SPON1: variants seen among roughly 807,000 people sequenced by gnomAD.
SPON1 encodes spondin-1.
SPON1 carries 52 observed loss-of-function variants against 111.7 expected under a neutral mutation model. The ratio of observed to expected loss-of-function variants is 0.47; its 90% CI spans 0.37 to 0.59. The LOEUF is 0.59. Ranked by LOEUF, SPON1 falls within the 20% of genes least tolerant of loss-of-function variation. The probability of loss-of-function intolerance (pLI) is 0.00; values close to 1 mark genes in which losing one functional copy is unlikely to be tolerated. For synonymous variants in SPON1, 410 were observed against 395.8 expected, an observed-to-expected ratio of 1.04 and a Z score of -0.43; for missense variants, 957 against 1,068.5, an observed-to-expected ratio of 0.90 and a Z score of 1.46.
intron 5 of SPON1, among the ~76,000 whole-genome samples, chr11:14,130,864 C>A (rs943433183): frequency 4.6e-5 from 7 of 151,558 alleles, no homozygotes; most frequent in Admixed American, 3.9e-4. Context: ...CCTTTCAGAG[C>A]AGTCATAAAA....
chr11:13,965,813 C>A (rs1479415338), intron 1 of SPON1, among the ~76,000 whole-genome samples: 10 of 152,174 alleles, frequency 6.6e-5, no homozygotes, highest in African/African-American at 2.2e-4. Context: ...AAAAGTAACT[C>A]AAACACATTC....
At chr11:14,000,973 A>T (rs1049065217) in intron 2 of SPON1, among the ~76,000 whole-genome samples, 1 of 152,184 alleles carries the variant, frequency 6.6e-6, no homozygotes, top group Non-Finnish European at 1.5e-5. Flanking sequence ...TCTAATGTCT[A>T]CTGTGACATG....
intron 6 of SPON1, among the ~76,000 whole-genome samples, chr11:14,177,854 G>A (rs543474975): frequency 6.6e-6 from 1 of 152,308 alleles, no homozygotes; most frequent in South Asian, 2.1e-4. Flanking sequence ...GATGGAGTCA[G>A]TTAAGTTAGA....
Position 14,256,683 on chromosome 11 carries a change from A to AGC in SPON1, c.1300_1301insGC (p.Lys434SerfsTer38). ...TGTAGCTGACCTGGCTCCAGAAGAG[A>AGC]AAGATGAAGGTACGTTGTTTTCTTT... On this transcript the variant is annotated frameshift_variant, in exon 10 of 16. Transcript: ENST00000576479. LOFTEE classifies it high-confidence loss of function. 6.2e-7 allele frequency: 1 copy of AGC among 1,613,438 alleles called. No individual in the cohort carries two copies. Among genetic ancestry groups the AGC allele is most frequent in the Non-Finnish European group, 8.5e-7 (1 of 1,179,540 alleles).
At chr11:14,178,447 A>G (rs1848204042) in intron 6 of SPON1, among the ~76,000 whole-genome samples, 1 of 151,966 alleles carries the variant, frequency 6.6e-6, no homozygotes, top group South Asian at 2.1e-4. Context: ...AGGAAGTCAC[A>G]AACAACACAG....
At chr11:14,029,610 G>A (rs1161188708) in intron 2 of SPON1, among the ~76,000 whole-genome samples, 1 of 152,150 alleles carries the variant, frequency 6.6e-6, no homozygotes, top group African/African-American at 2.4e-5. Flanking sequence ...AGCAACGGGA[G>A]AGGCCAGGCT....
chr11:13,997,960 G>C (rs1224972677), intron 2 of SPON1, among the ~76,000 whole-genome samples: 1 of 152,062 alleles, frequency 6.6e-6, no homozygotes. Flanking sequence ...TAGTTGCTTC[G>C]TATACTTTAA....
chr11:14,140,137 C>T (rs1028087279), intron 6 of SPON1, among the ~76,000 whole-genome samples: 1 of 152,194 alleles, frequency 6.6e-6, no homozygotes, highest in Non-Finnish European at 1.5e-5. Context: ...TGTGGACACA[C>T]ATTTGGGCAG....
rs1554907684 is a variant in SPON1 at position 13,963,083 on chromosome 11, A to G, written c.179A>G (p.Glu60Gly). The change falls in exon 1 of 16, where the codon GAG becomes GGG. Residue 60 changes from glutamate to glycine, a missense_variant. By Grantham distance (98) the Glu-to-Gly change is moderately conservative. Transcript: ENST00000576479. ...GGCACGCGGCGCGAGGGCTACACCGAGTTCAGCCTCCGCGTGGAGGGCGAC... is the reference window on the plus strand; with the variant it reads ...GGCACGCGGCGCGAGGGCTACACCGGGTTCAGCCTCCGCGTGGAGGGCGAC... ...AQGTRREGYT[E>G]FSLRVEGDPD... The G allele has an allele frequency of 1.0e-5, 16 of 1,563,246 alleles. No homozygotes were observed. The highest frequency in any genetic ancestry group is 1.4e-5 in the African/African-American group (1 of 72,268).
intron 3 of SPON1, among the ~76,000 whole-genome samples, chr11:14,056,934 G>A (rs1554919233): frequency 6.6e-6 from 1 of 151,886 alleles, no homozygotes; most frequent in African/African-American, 2.4e-5. Context: ...ATAACATCAA[G>A]ACAGGAGGAA....
intron 2 of SPON1, among the ~76,000 whole-genome samples, chr11:14,001,711 TAAG>T (rs1319223104): frequency 6.6e-6 from 1 of 152,132 alleles, no homozygotes; most frequent in Non-Finnish European, 1.5e-5. Context: ...AACCTCTACT[TAAG>T]AAGGAGTTTC....
intron 2 of SPON1, among the ~76,000 whole-genome samples, chr11:14,015,756 T>C (rs1158011299): frequency 1.3e-5 from 2 of 152,238 alleles, no homozygotes; most frequent in African/African-American, 2.4e-5. Context: ...TGTATATTTA[T>C]GTTGGCTGTT....
chr11:14,262,462 A>G, intron 14 of SPON1: 1 of 556,232 alleles, frequency 1.8e-6, no homozygotes, highest in Non-Finnish European at 3.2e-6. Flanking sequence ...AGTCCTCCAA[A>G]GCCTTCTTGA....
intron 3 of SPON1, among the ~76,000 whole-genome samples, chr11:14,049,207 A>G (rs896643571): frequency 2.0e-5 from 3 of 152,320 alleles, no homozygotes; most frequent in African/African-American, 7.2e-5. Context: ...GTCTGATGCC[A>G]CAGGGTCAGG....
At chr11:14,216,602 G>T (rs944010691) in intron 6 of SPON1, among the ~76,000 whole-genome samples, 3 of 152,104 alleles carry the variant, frequency 2.0e-5, no homozygotes, top group African/African-American at 7.2e-5. Flanking sequence ...TCTGAGGAAG[G>T]TCATCCCATG....
chr11:14,265,657 G>C lies in SPON1; in HGVS notation c.2394G>C (p.Glu798Asp). Reference sequence around the variant, plus strand: ...TTACCAGCTGCAAAGACAAGAAGGAGATCAGAGCATGCAATGTTCATCCTT... The same window carrying C: ...TTACCAGCTGCAAAGACAAGAAGGACATCAGAGCATGCAATGTTCATCCTT... ...SQFTSCKDKK[E>D]IRACNVHPC is the part of the protein sequence containing the mutation. Residue 798 changes from glutamate to aspartate, a missense_variant, in exon 16 of 16, where the codon GAG becomes GAC. By Grantham distance (45) the Glu-to-Asp change is conservative (BLOSUM62 2). Coordinates refer to ENST00000576479, the MANE Select transcript of SPON1 (RefSeq NM_006108.4). 1 of 1,613,754 alleles carries C rather than the reference G, an allele frequency of 6.2e-7. No individual in the cohort carries two copies. The highest frequency in any genetic ancestry group is 8.5e-7 in the Non-Finnish European group (1 of 1,179,826).
intron 2 of SPON1, among the ~76,000 whole-genome samples, chr11:13,988,848 G>A (rs751251607): frequency 9.2e-5 from 14 of 152,070 alleles, no homozygotes; most frequent in East Asian, 1.9e-4. Context: ...GATGGATTAC[G>A]TTTATTGATT....
intron 6 of SPON1, among the ~76,000 whole-genome samples, chr11:14,222,155 A>T (rs1384476554): frequency 1.3e-5 from 2 of 152,186 alleles, no homozygotes; most frequent in South Asian, 2.1e-4. Context: ...TACAAAAAAA[A>T]TTTTCAGACC....
At position 14,029,767 on chromosome 11, in the gene SPON1, T is replaced by C. The variant is rs549673125; in HGVS notation, c.346-11754T>C. Among the ~76,000 whole-genome samples, 4 of 152,300 alleles carry C rather than the reference T, an allele frequency of 2.6e-5. No individual in the cohort carries two copies. The East Asian group carries it at 7.7e-4, about 29-fold the overall frequency. On this transcript the variant is annotated intron_variant, in intron 2 of 15. Transcript: ENST00000576479. ...CTTCAGGCTGTTTTAGGTTTAAATA[T>C]GGAGTTTTGCTGGGGACCCTTGGCT...
Sources: allele counts gnomAD v4.1 joint callset (sites outside exome capture counted in the v4.1 genomes callset), GRCh38; gene constraint gnomAD v4.1.1; transcripts MANE v1.5; gene names NCBI Gene and HGNC (gene_info 2026-07-23, HGNC 2026-07-21).